The following LIPA variants were observed in gnomAD, a reference collection of about 807,000 sequenced individuals.
LIPA encodes the protein lipase A, lysosomal acid type, also known as lysosomal acid lipase/cholesteryl ester hydrolase.
Under a neutral mutation model 40.6 loss-of-function variants are expected in LIPA, and 26 were observed. The observed-to-expected ratio is 0.64, with a 90% CI of 0.47 to 0.89. The LOEUF is 0.89. Among genes scored for constraint, LIPA ranks in the 40% least tolerant of loss-of-function variants. The pLI, the probability that LIPA is intolerant of heterozygous loss-of-function variation, is 0.00. For missense variants in LIPA, 455 were observed against 479.6 expected (o/e 0.95, Z 0.48); for synonymous variants, 188 against 168.4 (o/e 1.12, Z -0.90).
At chr10:89,330,104 C>T (rs1409344715) in intron 1 of LIPA, among the ~76,000 whole-genome samples, 3 of 152,164 alleles carry the variant, frequency 2.0e-5, no homozygotes, top group Non-Finnish European at 4.4e-5. Context: ...TCAGTTAAGG[C>T]AGGAACTGGC....
rs1213497163 is a variant in LIPA, at chr10:89,247,405, AAAAAAAT to A, written c.111+126_111+132del. ...AAAAAAAAAAAAAAAAAAAAAAAAA[AAAAAAAT>A]TCAGAGAAATTGAAAAGCAAAGGAG... is the stretch of plus-strand genomic sequence containing the variant. On this transcript the variant is annotated intron_variant, in intron 2 of 9. Coordinates refer to ENST00000336233, the MANE Select transcript of LIPA (RefSeq NM_000235.4). 2.9e-3 allele frequency: 1,652 copies of A among 563,516 alleles called. 35 individuals are homozygous for A. The African/African-American group carries it at 0.035, about 12-fold the overall frequency. 34.9% of individuals were successfully genotyped at this position (563,516 alleles called of 1,614,324 possible).
At chr10:89,350,583 GT>G (rs1186971902) in intron 2 of LIPA, among the ~76,000 whole-genome samples, 2 of 151,878 alleles carry the variant, frequency 1.3e-5, no homozygotes, top group Non-Finnish European at 2.9e-5. Context: ...GGGATTATAG[GT>G]GTGAGCCACC....
chr10:89,337,358 T>C (rs1233846512), intron 1 of LIPA, among the ~76,000 whole-genome samples: 1 of 152,214 alleles, frequency 6.6e-6, no homozygotes, highest in Non-Finnish European at 1.5e-5. Context: ...ACCCAGAATG[T>C]ACAAGGAATG....
At chr10:89,286,594 A>T (rs974584650) in intron 1 of LIPA, among the ~76,000 whole-genome samples, 2 of 152,194 alleles carry the variant, frequency 1.3e-5, no homozygotes, top group African/African-American at 4.8e-5. Flanking sequence ...TTCATCAAAT[A>T]TAAAAACCCA....
At chr10:89,354,725 G>A (rs749941862) in intron 2 of LIPA, among the ~76,000 whole-genome samples, 8 of 151,990 alleles carry the variant, frequency 5.3e-5, no homozygotes, top group African/African-American at 1.2e-4. Flanking sequence ...CCACCACCAC[G>A]CCCTGCTAAT....
At chr10:89,232,378 G>T (rs1415012171) in intron 3 of LIPA, among the ~76,000 whole-genome samples, 2 of 152,328 alleles carry the variant, frequency 1.3e-5, no homozygotes, top group African/African-American at 2.4e-5. Flanking sequence ...GGAACGGGCT[G>T]CTCCCACAGG....
chr10:89,341,759 C>T (rs1280784474), intron 1 of LIPA, among the ~76,000 whole-genome samples: 3 of 152,116 alleles, frequency 2.0e-5, no homozygotes, highest in East Asian at 3.9e-4. Flanking sequence ...AAAGAGTTGC[C>T]CTCTGGTATT....
chr10:89,339,987 C>T (rs375760147), intron 1 of LIPA: 11 of 1,614,232 alleles, frequency 6.8e-6, no homozygotes, highest in African/African-American at 2.7e-5. Context: ...AACTGGGCCG[C>T]CTGCTAAGGG....
chr10:89,378,367 T>C (rs1246764770), intron 2 of LIPA, among the ~76,000 whole-genome samples: 2 of 152,118 alleles, frequency 1.3e-5, no homozygotes, highest in Admixed American at 6.5e-5. Context: ...ATGGTGCTTG[T>C]TGGTTGCAGG....
intron 1 of LIPA, among the ~76,000 whole-genome samples, chr10:89,284,719 A>G (rs1843332689): frequency 6.6e-6 from 1 of 152,232 alleles, no homozygotes; most frequent in Non-Finnish European, 1.5e-5. Flanking sequence ...TATACGCTAT[A>G]TGTCAGGCCT....
At chr10:89,254,611 T>C (rs1233447951), upstream of LIPA, among the ~76,000 whole-genome samples, 1 of 152,262 alleles carries the variant, frequency 6.6e-6, no homozygotes, top group Non-Finnish European at 1.5e-5. Flanking sequence ...ATTTGGCTCC[T>C]CATTACTTAT....
intron 2 of LIPA, among the ~76,000 whole-genome samples, chr10:89,395,844 C>T (rs1317224808): frequency 6.6e-6 from 1 of 151,946 alleles, no homozygotes; most frequent in Non-Finnish European, 1.5e-5. Context: ...CAACAGTGAC[C>T]TTTTGGATCA....
chr10:89,254,113 C>G (rs547475759), upstream of LIPA, among the ~76,000 whole-genome samples: 18 of 152,330 alleles, frequency 1.2e-4, no homozygotes, highest in South Asian at 3.5e-3. Context: ...GACAGTGGCT[C>G]TCTTCTCACA....
intron 1 of LIPA, among the ~76,000 whole-genome samples, chr10:89,258,328 C>T (rs959975658): frequency 4.0e-5 from 6 of 151,802 alleles, no homozygotes; most frequent in African/African-American, 1.5e-4. Flanking sequence ...TATAGGAGTT[C>T]CTGGAAAAAA....
At chr10:89,304,926 C>T (rs1183546186) in intron 1 of LIPA, among the ~76,000 whole-genome samples, 1 of 151,908 alleles carries the variant, frequency 6.6e-6, no homozygotes, top group African/African-American at 2.4e-5. Flanking sequence ...GCCTTGTGAG[C>T]CTTCCCTGTA....
chr10:89,234,968 G>A (rs559760858), intron 3 of LIPA, among the ~76,000 whole-genome samples: 17 of 152,332 alleles, frequency 1.1e-4, no homozygotes, highest in African/African-American at 3.8e-4. Flanking sequence ...CGTGAGGGTT[G>A]GAGTCTAACC....
intron 1 of LIPA, among the ~76,000 whole-genome samples, chr10:89,265,699 T>C (rs886548130): frequency 6.6e-6 from 1 of 152,250 alleles, no homozygotes; most frequent in African/African-American, 2.4e-5. Context: ...ATGTTGTCCA[T>C]GGTGCTTGAC....
chr10:89,329,224 AAGATG>A (rs1300498632), intron 1 of LIPA, among the ~76,000 whole-genome samples: 5 of 152,168 alleles, frequency 3.3e-5, no homozygotes, highest in Admixed American at 1.3e-4. Flanking sequence ...CAAGGACTTG[AAGATG>A]CTCTGCAATG....
intron 2 of LIPA, chr10:89,363,142 G>T: frequency 4.4e-6 from 1 of 225,484 alleles, no homozygotes; most frequent in South Asian, 8.7e-5. Flanking sequence ...GCCTTGCAGG[G>T]AACACCCACT....
Sources: allele counts gnomAD v4.1 joint callset (sites outside exome capture counted in the v4.1 genomes callset), GRCh38; gene constraint gnomAD v4.1.1; transcripts MANE v1.5; gene names NCBI Gene and HGNC (gene_info 2026-07-23, HGNC 2026-07-21).